The following YWHAQ variants were observed in gnomAD, a reference collection of about 807,000 sequenced individuals.
YWHAQ encodes the protein tyrosine 3-monooxygenase/tryptophan 5-monooxygenase activation protein theta.
YWHAQ carries 6 observed loss-of-function variants against 28.3 expected under a neutral mutation model. The observed-to-expected ratio is 0.21, with a 90% CI of 0.12 to 0.42. The LOEUF is 0.42. YWHAQ is among the 10% of genes least tolerant of loss of function. The pLI, the probability that YWHAQ is intolerant of heterozygous loss-of-function variation, is 1.00. For synonymous variants in YWHAQ, 143 were observed against 119.1 expected (o/e 1.20, Z -1.31); for missense variants, 201 against 305.6 (o/e 0.66, Z 2.55).
intron 3 of YWHAQ, among the ~76,000 whole-genome samples, chr2:9,590,932 G>A (rs1475711077): frequency 6.6e-6 from 1 of 152,096 alleles, no homozygotes; most frequent in Non-Finnish European, 1.5e-5. Context: ...TCAATGTTAT[G>A]ACCCCTTAAA....
At chr2:9,604,606 C>A (rs1666780378) in intron 2 of YWHAQ, among the ~76,000 whole-genome samples, 1 of 152,122 alleles carries the variant, frequency 6.6e-6, no homozygotes, top group South Asian at 2.1e-4. Flanking sequence ...TCTACAACCA[C>A]AACCAAACAT....
chr2:9,619,407 A>G (rs1667096158), intron 2 of YWHAQ, among the ~76,000 whole-genome samples: 1 of 152,220 alleles, frequency 6.6e-6, no homozygotes, highest in South Asian at 2.1e-4. Flanking sequence ...AAAAACCCTA[A>G]CAATAAATAC....
At chr2:9,607,610 A>C (rs993553372) in intron 2 of YWHAQ, among the ~76,000 whole-genome samples, 11 of 152,190 alleles carry the variant, frequency 7.2e-5, no homozygotes, top group Non-Finnish European at 1.3e-4. Context: ...AAAATAGACA[A>C]AGAGGAGACT....
In YWHAQ at chr2:9,630,577, A is replaced by C. The variant is rs1012249750; in HGVS notation, c.-82-43T>G. On this transcript the variant is annotated intron_variant, in intron 1 of 5. Coordinates refer to ENST00000238081, the MANE Select transcript of YWHAQ (RefSeq NM_006826.4). The surrounding 1 kb of genome is among the most constrained non-coding windows in gnomAD (Gnocchi z 5.6). ...GGCGAGGCGAGAACAAAAAGCAGAG[A>C]GGGAGCGCCGTCAGACAATGCGGCC... The C allele has an allele frequency of 6.1e-6, 6 of 978,298 alleles. No individual in the cohort carries two copies. Among genetic ancestry groups the C allele is most frequent in the Non-Finnish European group, 7.3e-6 (5 of 689,022 alleles). The allele number at this position is 978,298 out of a possible 1,614,324, so 60.6% of individuals were successfully genotyped here.
chr2:9,600,790 T>C (rs1301274830), intron 2 of YWHAQ, among the ~76,000 whole-genome samples: 1 of 152,142 alleles, frequency 6.6e-6, no homozygotes, highest in East Asian at 1.9e-4. Flanking sequence ...TGTCTTATTT[T>C]AAGCAATTGC....
intron 2 of YWHAQ, among the ~76,000 whole-genome samples, chr2:9,593,234 G>GTT (rs1227159543): frequency 8.4e-6 from 1 of 119,566 alleles, no homozygotes; most frequent in African/African-American, 3.5e-5. Flanking sequence ...CTGCATCCAT[G>GTT]TCTTTTTTTT....
chr2:9,592,700 G>A (rs1017342845), intron 2 of YWHAQ, among the ~76,000 whole-genome samples: 4 of 152,180 alleles, frequency 2.6e-5, no homozygotes, highest in Middle Eastern at 3.4e-3. Context: ...ACTGCAGCCC[G>A]GGTGACAGTG....
chr2:9,598,704 TAATC>T (rs1666626943), intron 2 of YWHAQ, among the ~76,000 whole-genome samples: 1 of 152,224 alleles, frequency 6.6e-6, no homozygotes, highest in Non-Finnish European at 1.5e-5. Flanking sequence ...ATGGTAAACT[TAATC>T]GATATATGCT....
intron 2 of YWHAQ, chr2:9,628,677 T>C (rs1667293807): frequency 6.6e-6 from 1 of 152,244 alleles, no homozygotes; most frequent in South Asian, 2.1e-4. Flanking sequence ...TTACCATATG[T>C]TACTCAAGTT....
At chr2:9,619,992 A>G (rs989006981) in intron 2 of YWHAQ, among the ~76,000 whole-genome samples, 2 of 152,256 alleles carry the variant, frequency 1.3e-5, no homozygotes, top group South Asian at 2.1e-4. Context: ...TTGAAGAACA[A>G]CAGCAGTAAG....
At position 9,584,797 on chromosome 2, in the gene YWHAQ, C is replaced by T. The variant is rs1467518129; in HGVS notation, c.*489G>A. ...AAGTGCTTTTCCATTCAATCTAATA[C>T]TTCCGGATTCCTACTAAAAAGGAAT... On this transcript the variant is annotated 3_prime_UTR_variant, in exon 6 of 6. Coordinates refer to ENST00000238081, the MANE Select transcript of YWHAQ (RefSeq NM_006826.4). 1 of 156,270 alleles carries T rather than the reference C, an allele frequency of 6.4e-6. No homozygotes were observed. The highest frequency in any genetic ancestry group is 2.4e-5 in the African/African-American group (1 of 41,436). The allele number at this position is 156,270 out of a possible 1,614,324, so 9.7% of individuals were successfully genotyped here. A position where few individuals can be genotyped will look rare whatever the true frequency, so the allele number is the denominator to read the frequency against.
intron 2 of YWHAQ, among the ~76,000 whole-genome samples, chr2:9,611,068 TA>T (rs1468355928): frequency 6.6e-6 from 1 of 152,208 alleles, no homozygotes; most frequent in African/African-American, 2.4e-5. Flanking sequence ...TTTGAGAACA[TA>T]TATTTCCCTT....
chr2:9,585,647 C>A (rs1666327843), intron 5 of YWHAQ, among the ~76,000 whole-genome samples: 1 of 152,144 alleles, frequency 6.6e-6, no homozygotes, highest in Non-Finnish European at 1.5e-5. Context: ...GTGGCTCACG[C>A]CTGTAATCTC....
chr2:9,606,400 T>C (rs1558546515), intron 2 of YWHAQ, among the ~76,000 whole-genome samples: 1 of 129,474 alleles, frequency 7.7e-6, no homozygotes, highest in Non-Finnish European at 1.6e-5. Flanking sequence ...ACCCCGTCTC[T>C]ACTAAAATAA....
At chr2:9,605,137 TC>T (rs1355772413) in intron 2 of YWHAQ, among the ~76,000 whole-genome samples, 50 of 103,236 alleles carry the variant, frequency 4.8e-4, no homozygotes, top group African/African-American at 1.6e-3. Context: ...CATTCTGTTC[TC>T]TCTTTTTTTT....
At chr2:9,600,504 A>C in intron 2 of YWHAQ, among the ~76,000 whole-genome samples, 1 of 152,058 alleles carries the variant, frequency 6.6e-6, no homozygotes, top group East Asian at 1.9e-4. Flanking sequence ...TCAGGAGTTC[A>C]AGACCAGCCT....
At chr2:9,626,236 C>T (rs879264445) in intron 2 of YWHAQ, among the ~76,000 whole-genome samples, 4 of 152,212 alleles carry the variant, frequency 2.6e-5, no homozygotes, top group Non-Finnish European at 5.9e-5. Flanking sequence ...AATATGATGT[C>T]TAAGATAGAA....
At chr2:9,625,851 C>T (rs886253366) in intron 2 of YWHAQ, among the ~76,000 whole-genome samples, 1 of 152,060 alleles carries the variant, frequency 6.6e-6, no homozygotes, top group Non-Finnish European at 1.5e-5. Context: ...TTGCCAGAGT[C>T]CACGAAAATA....
chr2:9,612,181 C>T (rs1369823437), intron 2 of YWHAQ, among the ~76,000 whole-genome samples: 1 of 152,162 alleles, frequency 6.6e-6, no homozygotes, highest in African/African-American at 2.4e-5. Context: ...TTCTATTACC[C>T]AAGTTAACTG....
Sources: allele counts gnomAD v4.1 joint callset (sites outside exome capture counted in the v4.1 genomes callset), GRCh38; gene constraint gnomAD v4.1.1; non-coding constraint Gnocchi (gnomAD v3.1); transcripts MANE v1.5; gene names NCBI Gene and HGNC (gene_info 2026-07-23, HGNC 2026-07-21).